Variants in ESR1 observed in about 807,000 individuals in gnomAD.
ESR1 encodes estrogen receptor.
ESR1 carries 12 observed loss-of-function variants against 52.7 expected under a neutral mutation model. The ratio of observed to expected loss-of-function variants is 0.23; its 90% CI spans 0.15 to 0.37. ESR1 has a LOEUF of 0.37. Among genes scored for constraint, ESR1 ranks in the 10% least tolerant of loss-of-function variants. The pLI is 1.00. For missense variants in ESR1, 584 were observed against 779.7 expected (o/e 0.75, Z 2.99); for synonymous variants, 305 against 316.8 (o/e 0.96, Z 0.39).
intron 2 of ESR1, among the ~76,000 whole-genome samples, chr6:151,875,978 G>T (rs1791740371): frequency 6.6e-6 from 1 of 152,200 alleles, no homozygotes; most frequent in South Asian, 2.1e-4. Flanking sequence ...ACCCTGTGGG[G>T]AAGGATTGGC....
intron 1 of ESR1, among the ~76,000 whole-genome samples, chr6:151,823,607 G>T (rs1228558663): frequency 6.6e-6 from 1 of 152,126 alleles, no homozygotes; most frequent in East Asian, 1.9e-4. Context: ...ATCTCCTAAT[G>T]CTATCCCTCC....
intron 6 of ESR1, among the ~76,000 whole-genome samples, chr6:152,084,415 G>A (rs1198181257): frequency 2.9e-5 from 4 of 139,870 alleles, no homozygotes; most frequent in Non-Finnish European, 6.0e-5. Flanking sequence ...AGAACTTAAA[G>A]TATAATAAAA....
chr6:151,987,228 CTCTT>C (rs1196206869), intron 4 of ESR1, among the ~76,000 whole-genome samples: 1 of 152,074 alleles, frequency 6.6e-6, no homozygotes, highest in Non-Finnish European at 1.5e-5. Flanking sequence ...GCAATCATCT[CTCTT>C]TCAGGAATTC....
intron 2 of ESR1, among the ~76,000 whole-genome samples, chr6:151,745,125 T>G (rs1381504673): frequency 6.6e-6 from 1 of 152,194 alleles, no homozygotes; most frequent in Non-Finnish European, 1.5e-5. Flanking sequence ...TAAAAAAACT[T>G]TATTCTTTCC....
intron 1 of ESR1, among the ~76,000 whole-genome samples, chr6:151,692,461 C>T (rs1025555322): frequency 6.6e-6 from 1 of 151,764 alleles, no homozygotes; most frequent in Admixed American, 6.6e-5. Context: ...ATTGGCTATT[C>T]GGAAAAAAGG....
At chr6:151,834,532 A>G (rs1782968012) in intron 1 of ESR1, among the ~76,000 whole-genome samples, 1 of 152,106 alleles carries the variant, frequency 6.6e-6, no homozygotes, top group Non-Finnish European at 1.5e-5. Flanking sequence ...GGAACATTAC[A>G]CACCTGGGGT....
intron 2 of ESR1, among the ~76,000 whole-genome samples, chr6:151,776,610 G>A (rs759209442): frequency 1.6e-4 from 25 of 152,216 alleles, no homozygotes; most frequent in Non-Finnish European, 2.9e-4. Flanking sequence ...GACCAAGGCA[G>A]GAGGATCATC....
intron 4 of ESR1, among the ~76,000 whole-genome samples, chr6:151,990,210 T>C (rs1277390452): frequency 6.6e-6 from 1 of 152,108 alleles, no homozygotes; most frequent in South Asian, 2.1e-4. Flanking sequence ...TTTGCTTGTT[T>C]AATTTTTTTG....
intron 2 of ESR1, among the ~76,000 whole-genome samples, chr6:151,856,006 G>C (rs868198193): frequency 6.6e-6 from 1 of 151,760 alleles, no homozygotes; most frequent in South Asian, 2.1e-4. Context: ...GAATAGTGTG[G>C]GTTTAAAAAA....
intron 4 of ESR1, among the ~76,000 whole-genome samples, chr6:151,972,715 A>G (rs1000482578): frequency 5.3e-5 from 8 of 152,170 alleles, no homozygotes; most frequent in East Asian, 1.9e-4. Context: ...AGATGTATAT[A>G]TAAAGGGGAG....
At chr6:151,861,191 C>T (rs1394843837) in intron 2 of ESR1, among the ~76,000 whole-genome samples, 1 of 152,094 alleles carries the variant, frequency 6.6e-6, no homozygotes, top group Non-Finnish European at 1.5e-5. Context: ...TCCATTCAGC[C>T]TGCTATGTCT....
chr6:151,859,423 T>G (rs373554869), intron 2 of ESR1, among the ~76,000 whole-genome samples: 4 of 144,884 alleles, frequency 2.8e-5, no homozygotes, highest in African/African-American at 1.1e-4. Context: ...CAAACTAGCT[T>G]TGGGTAGAGG....
chr6:151,789,833 C>G (rs1027609651), intron 2 of ESR1, among the ~76,000 whole-genome samples: 2 of 152,164 alleles, frequency 1.3e-5, no homozygotes, highest in Non-Finnish European at 2.9e-5. Context: ...GTTTCTTTTT[C>G]CTTCCCTCCC....
At chr6:152,075,405 C>T (rs1447491068) in intron 6 of ESR1, among the ~76,000 whole-genome samples, 1 of 152,132 alleles carries the variant, frequency 6.6e-6, no homozygotes, top group East Asian at 1.9e-4. Flanking sequence ...ACCTTCCTCT[C>T]GTTAAGGAAA....
At chr6:151,861,629 C>A (rs1387413975) in intron 2 of ESR1, among the ~76,000 whole-genome samples, 1 of 152,184 alleles carries the variant, frequency 6.6e-6, no homozygotes, top group Non-Finnish European at 1.5e-5. Context: ...AGTTGTTCAT[C>A]TGGGTTAGGG....
chr6:151,899,117 G>A (rs1562526323), intron 3 of ESR1, among the ~76,000 whole-genome samples: 1 of 141,954 alleles, frequency 7.0e-6, no homozygotes, highest in Non-Finnish European at 1.5e-5. Flanking sequence ...CGGCTGGCCG[G>A]GCGGGGGGCT....
At chr6:151,712,550 C>G (rs1177396055) in intron 2 of ESR1, among the ~76,000 whole-genome samples, 2 of 152,124 alleles carry the variant, frequency 1.3e-5, no homozygotes, top group African/African-American at 4.8e-5. Flanking sequence ...TTGAAGAGGT[C>G]CTTCACTTCC....
intron 1 of ESR1, among the ~76,000 whole-genome samples, chr6:151,836,476 C>T (rs983799032): frequency 6.6e-6 from 1 of 152,136 alleles, no homozygotes. Context: ...AGCCTGCCAC[C>T]ATGATTTAAT....
intron 3 of ESR1, among the ~76,000 whole-genome samples, chr6:151,927,681 A>T (rs2032964896): frequency 6.6e-6 from 1 of 151,460 alleles, no homozygotes; most frequent in Non-Finnish European, 1.5e-5. Flanking sequence ...AGTCGTGGTG[A>T]CTTCTCTTTC....
Sources: gnomAD v4.1 joint callset for allele counts (sites outside exome capture counted in the v4.1 genomes callset) on GRCh38, gnomAD v4.1.1 for gene constraint, MANE v1.5 for transcripts, NCBI Gene and HGNC (gene_info 2026-07-23, HGNC 2026-07-21) for gene names.